Variants in IFT122 observed in about 807,000 individuals in gnomAD.
The protein encoded by IFT122 is intraflagellar transport 122, also known as intraflagellar transport protein 122 homolog.
In IFT122, 118 loss-of-function variants were observed where a neutral mutation model predicts 161.6. The observed-to-expected ratio is 0.73, with a 90% CI of 0.63 to 0.85. The LOEUF (loss-of-function observed/expected upper bound fraction) is 0.85, where lower values mean the gene tolerates loss of function less well. IFT122 is among the 40% of genes least tolerant of loss of function. The pLI is 0.00. For synonymous variants in IFT122, 550 were observed against 602.4 expected, an observed-to-expected ratio of 0.91 and a Z score of 1.27; for missense variants, 1,381 against 1,579.6, an observed-to-expected ratio of 0.87 and a Z score of 2.13.
intron 17 of IFT122, 92 bp from the exon 18 acceptor site, chr3:129,495,354 G>C: frequency 6.5e-7 from 1 of 1,541,700 alleles, no homozygotes; most frequent in Non-Finnish European, 8.8e-7. Flanking sequence ...AGGCCCAGGG[G>C]CCTCACTTGA....
intron 27 of IFT122, among the ~76,000 whole-genome samples, chr3:129,518,071 C>T (rs557271652): frequency 7.2e-5 from 11 of 152,346 alleles, no homozygotes; most frequent in African/African-American, 2.2e-4. Flanking sequence ...TCAGTCTGGT[C>T]GGTCACAGGC....
At chr3:129,462,228 G>A (rs2076281348) in intron 5 of IFT122, among the ~76,000 whole-genome samples, 1 of 152,142 alleles carries the variant, frequency 6.6e-6, no homozygotes, top group African/African-American at 2.4e-5. Context: ...TGCTTACACT[G>A]GAATATTAAA....
At chr3:129,468,026 C>T (rs564158826) in intron 8 of IFT122, among the ~76,000 whole-genome samples, 66 of 152,360 alleles carry the variant, frequency 4.3e-4, no homozygotes, top group African/African-American at 1.5e-3. Context: ...GTGGCCTCCC[C>T]AAGAGGGCTC....
chr3:129,487,345 A>G (rs1465334279), intron 15 of IFT122, among the ~76,000 whole-genome samples: 3 of 152,052 alleles, frequency 2.0e-5, no homozygotes, highest in Non-Finnish European at 4.4e-5. Flanking sequence ...CCTGGAGTCC[A>G]GTCACCTCTG....
chr3:129,447,475 G>A lies in IFT122; in HGVS notation c.42-2396G>A, dbSNP rs192387651. 2.4e-4 allele frequency among the ~76,000 whole-genome samples: 36 copies of A among 152,310 alleles called. No individual in the cohort carries two copies. The East Asian group carries it at 6.5e-3, about 28-fold the overall frequency. On this transcript the variant is annotated intron_variant, in intron 1 of 29. Transcript: ENST00000348417. The stretch of plus-strand genomic sequence containing the variant: ...ACCCATGTTCTTATTTGCAGAGGAA[G>A]CCTTCGGGTACTAGGCTTCAGAAAG...
In IFT122 at chr3:129,514,261, C is replaced by A. The variant is rs566761808; in HGVS notation, c.2988-128C>A. The A allele has an allele frequency of 1.3e-5, 13 of 1,003,460 alleles. No homozygotes were observed. The South Asian group carries it at 1.8e-4, about 14-fold the overall frequency. 62.2% of individuals were successfully genotyped at this position (1,003,460 alleles called of 1,614,324 possible). A position where few individuals can be genotyped will look rare whatever the true frequency, so the allele number is the denominator to read the frequency against. ...TCACAAGCGCACAGAGCCTTCCTCA[C>A]GGTCTTTCCTCTGCCTTCCCGGCAC... On this transcript the variant is annotated intron_variant, in intron 24 of 29. Coordinates refer to ENST00000348417, the MANE Select transcript of IFT122 (RefSeq NM_052989.3).
intron 8 of IFT122, among the ~76,000 whole-genome samples, chr3:129,468,310 G>A (rs1238947438): frequency 6.6e-6 from 1 of 152,108 alleles, no homozygotes; most frequent in African/African-American, 2.4e-5. Context: ...GCAACATTAG[G>A]TGGATTAAGA....
At chr3:129,484,009 C>G in intron 15 of IFT122, 1 of 414,092 alleles carries the variant, frequency 2.4e-6, no homozygotes, top group South Asian at 2.1e-5. Flanking sequence ...AGCAGCAAAG[C>G]CGGGAGTCCG....
At chr3:129,487,525 C>T (rs2079434844) in intron 15 of IFT122, 1 of 157,316 alleles carries the variant, frequency 6.4e-6, no homozygotes, top group Admixed American at 6.0e-5. Context: ...TGGGCACTCA[C>T]AGCAAGGCAA....
At chr3:129,469,314 A>G (rs761960888) in intron 8 of IFT122, 28 bp from the exon 9 acceptor site, 2 of 1,596,246 alleles carry the variant, frequency 1.3e-6, no homozygotes, top group South Asian at 2.2e-5. Context: ...GTGGCCCTTC[A>G]TAACCTCTTT....
intron 1 of IFT122, 96 bp downstream of exon 1, chr3:129,440,467 C>A: frequency 7.0e-7 from 1 of 1,435,696 alleles, no homozygotes; most frequent in Non-Finnish European, 9.6e-7. Flanking sequence ...AGCGGGCTTG[C>A]TGCCTGGGCC....
intron 5 of IFT122, among the ~76,000 whole-genome samples, chr3:129,461,752 A>T (rs1273406684): frequency 6.6e-6 from 1 of 152,172 alleles, no homozygotes; most frequent in Non-Finnish European, 1.5e-5. Flanking sequence ...TGTCGTCATT[A>T]CTGGTTTAGG....
intron 23 of IFT122, among the ~76,000 whole-genome samples, chr3:129,508,058 T>C (rs2082369662): frequency 6.6e-6 from 1 of 152,144 alleles, no homozygotes. Context: ...GCAAGAGGGG[T>C]GGGAGTTCCA....
intron 25 of IFT122, chr3:129,515,242 G>A (rs1040801299): frequency 3.0e-5 from 18 of 599,408 alleles, no homozygotes; most frequent in East Asian, 1.1e-4. Flanking sequence ...GAAAAGTGCC[G>A]TTGAGCGCTG....
At chr3:129,486,752 A>G (rs1031639788) in intron 15 of IFT122, among the ~76,000 whole-genome samples, 17 of 152,170 alleles carry the variant, frequency 1.1e-4, no homozygotes, top group African/African-American at 3.4e-4. Flanking sequence ...GTGCTTCATT[A>G]TTTTTGGAGC....
chr3:129,464,098 G>A (rs978026384), intron 6 of IFT122, among the ~76,000 whole-genome samples: 6 of 152,198 alleles, frequency 3.9e-5, no homozygotes, highest in African/African-American at 1.4e-4. Context: ...CGAGATTGTT[G>A]TGAAATGCAC....
chr3:129,459,052 T>C (rs576408529), intron 4 of IFT122, among the ~76,000 whole-genome samples: 1 of 152,184 alleles, frequency 6.6e-6, no homozygotes, highest in African/African-American at 2.4e-5. Context: ...CTCCTCTTAC[T>C]ATTGGGGATC....
chr3:129,473,569 G>T (rs1319106855), intron 9 of IFT122, among the ~76,000 whole-genome samples: 4 of 152,218 alleles, frequency 2.6e-5, no homozygotes, highest in Non-Finnish European at 4.4e-5. Context: ...GGTGTCAGCA[G>T]CTGACATCTC....
At chr3:129,468,075 G>A (rs1422005298) in intron 8 of IFT122, among the ~76,000 whole-genome samples, 1 of 152,228 alleles carries the variant, frequency 6.6e-6, no homozygotes, top group Admixed American at 6.5e-5. Flanking sequence ...TTGGACTTTG[G>A]ACATCAGTGC....
Sources: gnomAD v4.1 joint callset for allele counts (sites outside exome capture counted in the v4.1 genomes callset) on GRCh38, gnomAD v4.1.1 for gene constraint, MANE v1.5 for transcripts, NCBI Gene and HGNC (gene_info 2026-07-23, HGNC 2026-07-21) for gene names.